Variants in CFH observed in about 807,000 individuals in gnomAD.
CFH encodes the protein H factor 1 (complement).
In CFH, 53 loss-of-function variants were observed where a neutral mutation model predicts 147.3. That is an observed-to-expected ratio of 0.36 (90% confidence interval 0.29 to 0.45). CFH has a LOEUF of 0.45. CFH is among the 20% of genes least tolerant of loss of function. CFH has a pLI of 1.00. For missense variants in CFH, 1,380 were observed against 1,498.0 expected, an observed-to-expected ratio of 0.92 and a Z score of 1.30; for synonymous variants, 536 against 489.4, an observed-to-expected ratio of 1.10 and a Z score of -1.26.
chr1:196,745,018 T>C (rs1652951952), intron 20 of CFH, among the ~76,000 whole-genome samples: 1 of 152,190 alleles, frequency 6.6e-6, no homozygotes. Flanking sequence ...CACATGGTTA[T>C]AGATGAAAAA....
intron 15 of CFH, among the ~76,000 whole-genome samples, chr1:196,733,271 G>A (rs1669322229): frequency 6.6e-6 from 1 of 152,070 alleles, no homozygotes; most frequent in Non-Finnish European, 1.5e-5. Context: ...GTGGAAGTAT[G>A]TGCCCTAAGC....
chr1:196,693,766 A>C (rs962834527), intron 9 of CFH, among the ~76,000 whole-genome samples: 2 of 152,018 alleles, frequency 1.3e-5, no homozygotes, highest in African/African-American at 4.8e-5. Flanking sequence ...ACCTTTTTTT[A>C]TTGCTAAGTA....
chr1:196,667,444 C>G (rs1322023131), intron 1 of CFH, among the ~76,000 whole-genome samples: 2 of 152,098 alleles, frequency 1.3e-5, no homozygotes, highest in African/African-American at 2.4e-5. Flanking sequence ...TGAAATGACT[C>G]TCTTTTTATC....
intron 5 of CFH, chr1:196,678,785 C>T (rs1667544082): frequency 6.6e-6 from 1 of 152,040 alleles, no homozygotes; most frequent in African/African-American, 2.4e-5. Context: ...GGCAGTGAGG[C>T]TTTAAGGAGC....
intron 20 of CFH, among the ~76,000 whole-genome samples, chr1:196,743,968 T>C (rs1652910968): frequency 6.6e-6 from 1 of 152,126 alleles, no homozygotes; most frequent in Non-Finnish European, 1.5e-5. Context: ...GAATAGGCAG[T>C]TGAAGAGAGA....
Position 196,679,761 on chromosome 1 carries a change from A to G in CFH, c.758A>G (p.Glu253Gly). 2.5e-6 allele frequency: 4 copies of G among 1,611,586 alleles called. No homozygotes were observed. The highest frequency in any genetic ancestry group is 3.4e-6 in the Non-Finnish European group (4 of 1,178,428). The change falls in exon 6 of 22, where the codon GAA (glutamate) becomes GGA (glycine). Residue 253 changes from glutamate (E) to glycine (G), a missense_variant. Physicochemically the swap from Glu to Gly is moderately conservative, Grantham distance 98. This residue lies in a region of CFH where 167 missense variants were observed against 228.0 expected (regional missense o/e 0.73). Transcript: ENST00000367429. ...GAAAGAGGAGATGCTGTATGCACTG[A>G]ATCTGGATGGCGTCCGTTGCCTTCA... ...YSERGDAVCT[E>G]SGWRPLPSCE...
chr1:196,688,950 T>C (rs1667927559), intron 7 of CFH, among the ~76,000 whole-genome samples: 3 of 151,932 alleles, frequency 2.0e-5, no homozygotes, highest in African/African-American at 7.3e-5. Flanking sequence ...CTTAAATCCC[T>C]CAAAATACTA....
intron 5 of CFH, chr1:196,678,331 A>T (rs181824596): frequency 6.6e-6 from 1 of 152,162 alleles, no homozygotes; most frequent in Non-Finnish European, 1.5e-5. Flanking sequence ...CATCATGACC[A>T]ATCAAAGATT....
chr1:196,726,958 A>G lies in CFH; in HGVS notation c.2236+18A>G, dbSNP rs749643506. 6.2e-5 allele frequency: 100 copies of G among 1,603,954 alleles called. No individual in the cohort carries two copies. Among genetic ancestry groups the G allele is most frequent in the Non-Finnish European group, 8.1e-5 (95 of 1,171,130 alleles). ...GTGTGTGGGTGAGAATACCCTTCTT[A>G]AATCAACATTTAACAAAGTTTAATA... On this transcript the variant is annotated intron_variant, in intron 14 of 21. Transcript: ENST00000367429.
intron 10 of CFH, among the ~76,000 whole-genome samples, chr1:196,714,664 TATATAGAGAGAGAG>T (rs1418859281): frequency 6.9e-4 from 22 of 31,782 alleles, no homozygotes; most frequent in East Asian, 2.5e-3. Context: ...TATATATATA[TATATAGAGAGAGAG>T]AGAGAGAGAG....
intron 9 of CFH, among the ~76,000 whole-genome samples, chr1:196,706,206 C>T (rs934208444): frequency 2.0e-5 from 3 of 152,060 alleles, no homozygotes; most frequent in African/African-American, 7.2e-5. Flanking sequence ...TACTCTGATT[C>T]CAGGTATGTT....
At chr1:196,738,742 A>G (rs1652682902) in intron 17 of CFH, among the ~76,000 whole-genome samples, 1 of 152,076 alleles carries the variant, frequency 6.6e-6, no homozygotes, top group Admixed American at 6.5e-5. Flanking sequence ...AGTGCAAGCT[A>G]TTGATGGATC....
chr1:196,654,340 T>C (rs1666608708), intron 1 of CFH, among the ~76,000 whole-genome samples: 1 of 152,136 alleles, frequency 6.6e-6, no homozygotes, highest in Admixed American at 6.5e-5. Flanking sequence ...CTATTTGTTT[T>C]CTTTTTTTAA....
At chr1:196,663,675 T>C (rs1572999483) in intron 1 of CFH, among the ~76,000 whole-genome samples, 1 of 152,336 alleles carries the variant, frequency 6.6e-6, no homozygotes, top group South Asian at 2.1e-4. Context: ...TTACAACTTA[T>C]CTTTTCTGGG....
At chr1:196,654,342 T>C (rs575580330) in intron 1 of CFH, among the ~76,000 whole-genome samples, 1 of 152,124 alleles carries the variant, frequency 6.6e-6, no homozygotes. Context: ...ATTTGTTTTC[T>C]TTTTTTAATA....
intron 11 of CFH, among the ~76,000 whole-genome samples, chr1:196,723,377 A>G (rs1373682756): frequency 6.6e-6 from 1 of 152,124 alleles, no homozygotes; most frequent in Non-Finnish European, 1.5e-5. Flanking sequence ...GGCTTTCTTA[A>G]TTGCTGGTTG....
chr1:196,742,874 G>A (rs1439810965), intron 19 of CFH, among the ~76,000 whole-genome samples: 2 of 151,928 alleles, frequency 1.3e-5, no homozygotes, highest in Non-Finnish European at 2.9e-5. Flanking sequence ...TATTATTATA[G>A]GCTTTTTAAA....
At chr1:196,680,009 A>G (rs1667596039) in intron 6 of CFH, among the ~76,000 whole-genome samples, 1 of 151,872 alleles carries the variant, frequency 6.6e-6, no homozygotes. Context: ...AGGGCCAGAA[A>G]AGTTCAGTAG....
chr1:196,675,198 G>A (rs1463550703), intron 3 of CFH, among the ~76,000 whole-genome samples: 1 of 152,108 alleles, frequency 6.6e-6, no homozygotes, highest in Non-Finnish European at 1.5e-5. Flanking sequence ...GAAGCCTCTA[G>A]CAATGATTGC....
Sources: gnomAD v4.1 joint callset for allele counts (sites outside exome capture counted in the v4.1 genomes callset) on GRCh38, gnomAD v4.1.1 for gene constraint, gnomAD v4.1.1 regional missense constraint, MANE v1.5 for transcripts, NCBI Gene and HGNC (gene_info 2026-07-23, HGNC 2026-07-21) for gene names.